The following SLCO1B3 variants were observed in gnomAD, a reference collection of about 807,000 sequenced individuals.
SLCO1B3 encodes solute carrier organic anion transporter family member 1B3.
Under a neutral mutation model 71.8 loss-of-function variants are expected in SLCO1B3, and 72 were observed. The observed-to-expected ratio is 1.00, with a 90% confidence interval of 0.83 to 1.22. The LOEUF is 1.22. SLCO1B3 is among the 50% of genes most tolerant of loss of function. The pLI is 0.00. For missense variants in SLCO1B3, 911 were observed against 819.7 expected (o/e 1.11, Z -1.36); for synonymous variants, 298 against 278.4 (o/e 1.07, Z -0.70).
At chr12:20,854,510 A>T (rs916490226) in intron 3 of SLCO1B3, among the ~76,000 whole-genome samples, 1 of 152,070 alleles carries the variant, frequency 6.6e-6, no homozygotes, top group African/African-American at 2.4e-5. Flanking sequence ...ATGATTATGG[A>T]CATACCTGCT....
intron 3 of SLCO1B3, among the ~76,000 whole-genome samples, chr12:20,842,987 G>T (rs540108364): frequency 6.6e-6 from 1 of 152,186 alleles, no homozygotes; most frequent in South Asian, 2.1e-4. Flanking sequence ...TCCTGCTGCT[G>T]TCCTGATCTC....
At chr12:20,893,227 T>A (rs1865937640) in intron 13 of SLCO1B3, among the ~76,000 whole-genome samples, 1 of 152,120 alleles carries the variant, frequency 6.6e-6, no homozygotes, top group Non-Finnish European at 1.5e-5. Context: ...GTGGAAGACT[T>A]TCCAGAAAAG....
At chr12:20,894,881 AGAGG>A (rs1865971658) in intron 13 of SLCO1B3, among the ~76,000 whole-genome samples, 1 of 152,168 alleles carries the variant, frequency 6.6e-6, no homozygotes, top group Non-Finnish European at 1.5e-5. Context: ...AGTTTACAAA[AGAGG>A]GAGGATTTAG....
chr12:20,875,364 C>A lies in SLCO1B3; in HGVS notation c.857C>A (p.Pro286Gln). The A allele has an allele frequency of 1.9e-6, 3 of 1,612,210 alleles. No homozygotes were observed. The African/African-American group carries it at 4.0e-5, about 22-fold the overall frequency. ...FFFLPKNPNK[P>Q]QKERKISLSL... ...TTCTTGCCGAAAAATCCAAATAAACCACAAAAAGAAAGAAAAATTTCACTA... is the reference window on the plus strand; with the variant it reads ...TTCTTGCCGAAAAATCCAAATAAACAACAAAAAGAAAGAAAAATTTCACTA... The change falls in exon 9 of 16, where the codon CCA becomes CAA. Residue 286 changes from proline (P) to glutamine (Q), a missense_variant. Coordinates refer to ENST00000381545, the MANE Select transcript of SLCO1B3 (RefSeq NM_019844.4).
chr12:20,909,526 ATATATGT>A (rs149789666), intron 15 of SLCO1B3, among the ~76,000 whole-genome samples: 2,176 of 151,742 alleles, frequency 0.014, 51 homozygotes, highest in East Asian at 0.098. Context: ...TTGTGGGGAG[ATATATGT>A]TAAAGTCTTT....
Position 20,915,985 on chromosome 12 carries a change from C to CT in SLCO1B3, c.1866-18dup. On this transcript the variant is annotated intron_variant, in intron 15 of 15. Coordinates refer to ENST00000381545, the MANE Select transcript of SLCO1B3 (RefSeq NM_019844.4). ...CACATTTAAAATAATAATCGACTCT[C>CT]TATTTTCTCTTTTCACAGAAGGGTC... 1 of 1,563,456 alleles carries CT rather than the reference C, an allele frequency of 6.4e-7. No individual in the cohort carries two copies. The highest frequency in any genetic ancestry group is 8.7e-7 in the Non-Finnish European group (1 of 1,150,256).
chr12:20,868,107 T>C (rs1237053023), intron 8 of SLCO1B3, among the ~76,000 whole-genome samples: 7 of 152,226 alleles, frequency 4.6e-5, no homozygotes, highest in Non-Finnish European at 1.0e-4. Context: ...ATACAGTTTA[T>C]AATACATACA....
At chr12:20,838,142 T>C (rs1415358933) in intron 3 of SLCO1B3, among the ~76,000 whole-genome samples, 2 of 152,030 alleles carry the variant, frequency 1.3e-5, no homozygotes, top group East Asian at 3.9e-4. Context: ...AATTTTATTA[T>C]TATTATACTT....
chr12:20,871,620 T>A (rs536308907), intron 8 of SLCO1B3, among the ~76,000 whole-genome samples: 2 of 152,286 alleles, frequency 1.3e-5, no homozygotes, highest in Admixed American at 1.3e-4. Flanking sequence ...TTTTACAGTC[T>A]TAGAGAGGTA....
chr12:20,840,390 A>ATT (rs199898909), intron 3 of SLCO1B3, among the ~76,000 whole-genome samples: 7,565 of 140,818 alleles, frequency 0.054, 363 homozygotes, highest in East Asian at 0.15. Context: ...ATGCTTCTCA[A>ATT]TTTTTTTTTT....
intron 7 of SLCO1B3, 29 bp downstream of exon 7, chr12:20,862,587 G>C: frequency 6.4e-7 from 1 of 1,563,330 alleles, no homozygotes; most frequent in Non-Finnish European, 8.7e-7. Flanking sequence ...TAAATTTCAT[G>C]ATTACATTCC....
At chr12:20,868,170 C>T (rs942067076) in intron 8 of SLCO1B3, among the ~76,000 whole-genome samples, 1 of 152,168 alleles carries the variant, frequency 6.6e-6, no homozygotes, top group Non-Finnish European at 1.5e-5. Flanking sequence ...TTCTGGCCAA[C>T]TATTAGTGCT....
intron 8 of SLCO1B3, among the ~76,000 whole-genome samples, chr12:20,867,121 T>C (rs1591770036): frequency 6.6e-6 from 1 of 152,304 alleles, no homozygotes; most frequent in East Asian, 1.9e-4. Context: ...TGAAGTGGTC[T>C]GCTTTACCCC....
At chr12:20,913,117 G>T (rs1203132849) in intron 15 of SLCO1B3, among the ~76,000 whole-genome samples, 2 of 152,146 alleles carry the variant, frequency 1.3e-5, no homozygotes, top group Non-Finnish European at 2.9e-5. Context: ...TGATAGTGTT[G>T]TTGAGTTCAA....
chr12:20,812,970 A>G (rs891448939), intron 1 of SLCO1B3, among the ~76,000 whole-genome samples: 2 of 152,186 alleles, frequency 1.3e-5, no homozygotes, highest in Non-Finnish European at 2.9e-5. Flanking sequence ...AGTGGTGTAA[A>G]TTTATTAAGG....
At chr12:20,888,462 A>C (rs1865834436) in intron 13 of SLCO1B3, among the ~76,000 whole-genome samples, 1 of 151,722 alleles carries the variant, frequency 6.6e-6, no homozygotes, top group East Asian at 1.9e-4. Context: ...TGTAAATGGG[A>C]TTAAGTTGTT....
intron 3 of SLCO1B3, among the ~76,000 whole-genome samples, chr12:20,854,506 A>G (rs1865092206): frequency 1.3e-5 from 2 of 152,152 alleles, no homozygotes; most frequent in Admixed American, 6.5e-5. Flanking sequence ...TGATATGATT[A>G]TGGACATACC....
chr12:20,882,890 A>G (rs1392702723), intron 12 of SLCO1B3, among the ~76,000 whole-genome samples: 8 of 152,160 alleles, frequency 5.3e-5, no homozygotes, highest in Non-Finnish European at 1.2e-4. Flanking sequence ...ATTAGCCAGC[A>G]CATTCTTTTG....
chr12:20,901,723 A>G (rs901034868), intron 15 of SLCO1B3, among the ~76,000 whole-genome samples: 2 of 152,190 alleles, frequency 1.3e-5, no homozygotes, highest in Admixed American at 1.3e-4. Flanking sequence ...TAACTTGTCA[A>G]AAATTGCACA....
Sources: gnomAD v4.1 joint callset for allele counts (sites outside exome capture counted in the v4.1 genomes callset) on GRCh38, gnomAD v4.1.1 for gene constraint, MANE v1.5 for transcripts, NCBI Gene and HGNC (gene_info 2026-07-23, HGNC 2026-07-21) for gene names.